The following FRMD4B variants were observed in gnomAD, a reference collection of about 807,000 sequenced individuals.
The protein encoded by FRMD4B is FERM domain-containing protein 4B.
In FRMD4B, 74 loss-of-function variants were observed where a neutral mutation model predicts 141.5. That is an observed-to-expected ratio of 0.52 (90% CI 0.43 to 0.63). The LOEUF is 0.63. Ranked by LOEUF, FRMD4B falls within the 30% of genes least tolerant of loss-of-function variation. FRMD4B has a pLI of 0.00. For synonymous variants in FRMD4B, 506 were observed against 467.9 expected (o/e 1.08, Z -1.05); for missense variants, 1,366 against 1,253.4 (o/e 1.09, Z -1.36).
intron 2 of FRMD4B, among the ~76,000 whole-genome samples, chr3:69,407,367 T>G (rs1387821195): frequency 1.3e-5 from 2 of 152,192 alleles, no homozygotes; most frequent in Non-Finnish European, 2.9e-5. Context: ...TGGGGCTTAG[T>G]TCCTGGATAT....
intron 1 of FRMD4B, among the ~76,000 whole-genome samples, chr3:69,372,860 G>A (rs1457608922): frequency 6.6e-6 from 1 of 152,078 alleles, no homozygotes. Flanking sequence ...TAGAAGGCAG[G>A]TATAATATTA....
rs1452105442 is a variant in FRMD4B, at chr3:69,413,286, A to G, written c.-1+19348T>C. Among the ~76,000 whole-genome samples the G allele has an allele frequency of 2.0e-5, 3 of 152,300 alleles. No individual in the cohort carries two copies. The East Asian group carries it at 5.8e-4, about 29-fold the overall frequency. ...CATTTAATCTCTCAATGACTCTATA[A>G]TGTAGGCATTATCCTGATTATCTCC... On this transcript the variant is annotated intron_variant, in intron 2 of 5. Transcript: ENST00000459638.
At chr3:69,423,705 T>G (rs116018757) in intron 2 of FRMD4B, among the ~76,000 whole-genome samples, 159 of 152,252 alleles carry the variant, frequency 1.0e-3, no homozygotes, top group African/African-American at 3.8e-3. Context: ...AGTGCCCTCA[T>G]GAAAGAGGCC....
At chr3:69,277,364 T>G (rs2093622451) in intron 5 of FRMD4B, among the ~76,000 whole-genome samples, 1 of 152,098 alleles carries the variant, frequency 6.6e-6, no homozygotes, top group Non-Finnish European at 1.5e-5. Context: ...TCCAAAGATG[T>G]TTTATTTAAA....
intron 2 of FRMD4B, among the ~76,000 whole-genome samples, chr3:69,392,269 G>C (rs1704397335): frequency 6.6e-6 from 1 of 152,136 alleles, no homozygotes; most frequent in African/African-American, 2.4e-5. Context: ...AAATGTAAAG[G>C]AGCAGGCACT....
chr3:69,409,955 G>T (rs953340350), intron 2 of FRMD4B, among the ~76,000 whole-genome samples: 1 of 152,182 alleles, frequency 6.6e-6, no homozygotes, highest in African/African-American at 2.4e-5. Flanking sequence ...TATGGTTTAA[G>T]CTGGTCTGAA....
chr3:69,299,779 A>G (rs1334966848), intron 4 of FRMD4B, among the ~76,000 whole-genome samples: 1 of 152,152 alleles, frequency 6.6e-6, no homozygotes, highest in Non-Finnish European at 1.5e-5. Flanking sequence ...CTATCACTGA[A>G]GGGAATTCTT....
At chr3:69,526,354 T>C (rs1575600999) in intron 1 of FRMD4B, among the ~76,000 whole-genome samples, 1 of 152,216 alleles carries the variant, frequency 6.6e-6, no homozygotes, top group Non-Finnish European at 1.5e-5. Flanking sequence ...TTTCAGGGGC[T>C]GCCTCCCATT....
chr3:69,190,281 G>A (rs1447912161), intron 17 of FRMD4B, among the ~76,000 whole-genome samples: 3 of 151,876 alleles, frequency 2.0e-5, no homozygotes, highest in African/African-American at 7.3e-5. Context: ...TCAACAAACT[G>A]GAAAGAAAAA....
chr3:69,329,197 G>T (rs529105064), intron 1 of FRMD4B, among the ~76,000 whole-genome samples: 1 of 152,224 alleles, frequency 6.6e-6, no homozygotes, highest in East Asian at 1.9e-4. Flanking sequence ...GGTTTACAGA[G>T]AATTCTGTTT....
chr3:69,241,082 AAG>A (rs1188758396), intron 7 of FRMD4B, among the ~76,000 whole-genome samples: 2 of 152,238 alleles, frequency 1.3e-5, no homozygotes, highest in Non-Finnish European at 2.9e-5. Flanking sequence ...CAAATGGGTC[AAG>A]AGAGTTACTT....
intron 11 of FRMD4B, 96 bp from the exon 12 acceptor site, chr3:69,198,870 AG>A (rs1394097970): frequency 1.5e-6 from 1 of 687,210 alleles, no homozygotes; most frequent in Non-Finnish European, 2.6e-6. Flanking sequence ...AGCTCCAAGA[AG>A]GTACACTGAT....
In FRMD4B at chr3:69,413,473, T is replaced by C. The variant is rs1221275562; in HGVS notation, c.-1+19161A>G. Reference sequence around the variant, plus strand: ...CCTGACTGAATGCAATTAGGCACACTAAATGTTCTTACTAATTCTTCTCAA... The same window carrying C: ...CCTGACTGAATGCAATTAGGCACACCAAATGTTCTTACTAATTCTTCTCAA... On this transcript the variant is annotated intron_variant, in intron 2 of 5. Coordinates refer to the FRMD4B transcript ENST00000459638. Among the ~76,000 whole-genome samples, 25 of 152,194 alleles carry C rather than the reference T, an allele frequency of 1.6e-4. 1 individual carries two copies. The highest frequency in any genetic ancestry group is 1.6e-3 in the Admixed American group (25 of 15,280).
intron 2 of FRMD4B, among the ~76,000 whole-genome samples, chr3:69,421,564 C>T (rs1704979112): frequency 6.6e-6 from 1 of 152,220 alleles, no homozygotes; most frequent in Non-Finnish European, 1.5e-5. Flanking sequence ...GGCAACAAAT[C>T]AAGCCTGCAG....
intron 7 of FRMD4B, among the ~76,000 whole-genome samples, chr3:69,233,416 C>T (rs886876971): frequency 4.7e-5 from 7 of 149,250 alleles, no homozygotes; most frequent in Admixed American, 6.8e-5. Context: ...GCCGGGAGTT[C>T]GAGGCTGCAA....
intron 1 of FRMD4B, among the ~76,000 whole-genome samples, chr3:69,447,254 G>T (rs1705423070): frequency 6.6e-6 from 1 of 152,068 alleles, no homozygotes; most frequent in Non-Finnish European, 1.5e-5. Flanking sequence ...GAAAATCTGT[G>T]AGGTTGGCCA....
At chr3:69,202,283 CAAGAAAGCT>C (rs1254944389) in intron 11 of FRMD4B, among the ~76,000 whole-genome samples, 1 of 152,044 alleles carries the variant, frequency 6.6e-6, no homozygotes, top group Non-Finnish European at 1.5e-5. Flanking sequence ...AAGGAAGATA[CAAGAAAGCT>C]AAGTATGCTT....
intron 4 of FRMD4B, among the ~76,000 whole-genome samples, chr3:69,301,284 C>G (rs903503075): frequency 6.6e-6 from 1 of 152,084 alleles, no homozygotes; most frequent in East Asian, 1.9e-4. Context: ...AATGATTTCA[C>G]CTCAAGCTAG....
At chr3:69,227,618 C>T (rs182543910) in intron 7 of FRMD4B, among the ~76,000 whole-genome samples, 86 of 150,338 alleles carry the variant, frequency 5.7e-4, no homozygotes, top group African/African-American at 1.9e-3. Flanking sequence ...GCCGAGATCG[C>T]GCCATTGCAC....
Sources: allele counts gnomAD v4.1 joint callset (sites outside exome capture counted in the v4.1 genomes callset), GRCh38; gene constraint gnomAD v4.1.1; transcripts MANE v1.5; gene names NCBI Gene and HGNC (gene_info 2026-07-23, HGNC 2026-07-21).